ADGRL3: variants seen among roughly 807,000 people sequenced by gnomAD.
ADGRL3 encodes calcium-independent alpha-latrotoxin receptor 3.
ADGRL3 carries 62 observed loss-of-function variants against 153.5 expected under a neutral mutation model. The observed-to-expected ratio is 0.40, with a 90% confidence interval of 0.33 to 0.50. The LOEUF is 0.50. Among genes scored for constraint, ADGRL3 ranks in the 20% least tolerant of loss-of-function variants. The pLI is 0.47. For missense variants in ADGRL3, 1,641 were observed against 1,859.4 expected (o/e 0.88, Z 2.16); for synonymous variants, 710 against 672.5 (o/e 1.06, Z -0.86).
intron 11 of ADGRL3, among the ~76,000 whole-genome samples, chr4:61,907,563 T>A (rs2098701939): frequency 6.6e-6 from 1 of 151,438 alleles, no homozygotes; most frequent in African/African-American, 2.4e-5. Flanking sequence ...AGCCCAGTAC[T>A]TGTATATGTA....
intron 5 of ADGRL3, among the ~76,000 whole-genome samples, chr4:61,632,633 C>T (rs1214942580): frequency 6.6e-6 from 1 of 152,144 alleles, no homozygotes; most frequent in Non-Finnish European, 1.5e-5. Context: ...TTATCAGCTT[C>T]CTTTTCAGAG....
chr4:61,387,484 G>C lies in ADGRL3; in HGVS notation c.-174+4295G>C, dbSNP rs191760632. 5.1e-3 allele frequency among the ~76,000 whole-genome samples: 778 copies of C among 152,066 alleles called. 11 individuals are homozygous for C. The highest frequency in any genetic ancestry group is 0.018 in the African/African-American group (731 of 41,466). On this transcript the variant is annotated intron_variant, in intron 2 of 26. Coordinates refer to ENST00000683033, the MANE Select transcript of ADGRL3 (RefSeq NM_001387552.1). ...GAGTTTATTTCATCTCTGCAGCCTC[G>C]ACCATAAGAGACGACCACGCCCCAG...
intron 1 of ADGRL3, among the ~76,000 whole-genome samples, chr4:61,373,715 T>A (rs994145004): frequency 1.3e-5 from 2 of 152,182 alleles, no homozygotes; most frequent in African/African-American, 2.4e-5. Context: ...TTTTTACTTT[T>A]TAAAGAGTTG....
intron 1 of ADGRL3, among the ~76,000 whole-genome samples, chr4:61,349,860 G>T (rs1353221045): frequency 6.6e-6 from 1 of 152,024 alleles, no homozygotes; most frequent in Admixed American, 6.6e-5. Flanking sequence ...ATCAATAGAT[G>T]AATGAATGAC....
chr4:61,815,337 G>A (rs1051323256), intron 9 of ADGRL3, among the ~76,000 whole-genome samples: 1 of 152,116 alleles, frequency 6.6e-6, no homozygotes, highest in Non-Finnish European at 1.5e-5. Flanking sequence ...TTTTTCCCCA[G>A]GTCAGTTGGG....
intron 25 of ADGRL3, among the ~76,000 whole-genome samples, chr4:62,046,729 T>G (rs1731319749): frequency 6.6e-6 from 1 of 152,002 alleles, no homozygotes; most frequent in Admixed American, 6.6e-5. Context: ...TTCCTTTCAC[T>G]TAGTGACTTT....
intron 8 of ADGRL3, among the ~76,000 whole-genome samples, chr4:61,764,200 G>T (rs2343580): frequency 0.087 from 13,197 of 152,046 alleles, 1,219 homozygotes; most frequent in African/African-American, 0.23. Flanking sequence ...TATACATTAC[G>T]TATACATATA....
chr4:61,867,515 C>CATATATATATATATGTAT (rs1554050809), intron 9 of ADGRL3, among the ~76,000 whole-genome samples: 1 of 81,140 alleles, frequency 1.2e-5, no homozygotes, highest in East Asian at 3.0e-4. Context: ...AATATATATG[C>CATATATATATATATGTAT]ATATATATAT....
chr4:61,693,334 C>G lies in ADGRL3; in HGVS notation c.583+16399C>G, dbSNP rs1034955057. ...TAAAGCTTCAGAGTAATGAATAGCTCTAGCTCCAACCAAAGTTTTTTCTAT... is the reference window on the plus strand; with the variant it reads ...TAAAGCTTCAGAGTAATGAATAGCTGTAGCTCCAACCAAAGTTTTTTCTAT... On this transcript the variant is annotated intron_variant, in intron 6 of 26. Coordinates refer to ENST00000683033, the MANE Select transcript of ADGRL3 (RefSeq NM_001387552.1). Among the ~76,000 whole-genome samples the G allele has an allele frequency of 4.0e-5, 6 of 151,854 alleles. No individual in the cohort carries two copies. In the East Asian group the frequency reaches 1.2e-3, roughly 30 times the overall value.
At chr4:61,332,455 A>T (rs2095592092) in intron 1 of ADGRL3, among the ~76,000 whole-genome samples, 1 of 152,152 alleles carries the variant, frequency 6.6e-6, no homozygotes, top group Non-Finnish European at 1.5e-5. Context: ...AGTAAAAATG[A>T]TATACCTTCT....
chr4:62,036,394 G>A (rs868120290), intron 23 of ADGRL3, among the ~76,000 whole-genome samples: 3 of 151,824 alleles, frequency 2.0e-5, no homozygotes, highest in Non-Finnish European at 4.4e-5. Context: ...CCTACTTCCC[G>A]CAGGCACTCC....
chr4:61,812,361 G>A (rs919187252), intron 8 of ADGRL3, among the ~76,000 whole-genome samples: 8 of 152,264 alleles, frequency 5.3e-5, no homozygotes, highest in Admixed American at 5.2e-4. Context: ...TCAACAGGGA[G>A]CCATATTAAT....
At chr4:61,916,908 G>T (rs193208631) in intron 13 of ADGRL3, among the ~76,000 whole-genome samples, 5 of 151,732 alleles carry the variant, frequency 3.3e-5, no homozygotes, top group African/African-American at 9.7e-5. Flanking sequence ...AGCTGAGATC[G>T]CACCACTGCA....
intron 15 of ADGRL3, among the ~76,000 whole-genome samples, chr4:61,938,521 G>T (rs563501085): frequency 6.6e-6 from 1 of 152,100 alleles, no homozygotes; most frequent in Non-Finnish European, 1.5e-5. Context: ...ATCAGTCCCA[G>T]AAGATATACT....
chr4:61,793,367 T>C (rs2097368081), intron 8 of ADGRL3, among the ~76,000 whole-genome samples: 1 of 152,080 alleles, frequency 6.6e-6, no homozygotes, highest in African/African-American at 2.4e-5. Flanking sequence ...GAGCTTGCAG[T>C]GAGCCAACAT....
At chr4:61,777,819 T>C (rs2097170580) in intron 8 of ADGRL3, among the ~76,000 whole-genome samples, 1 of 152,186 alleles carries the variant, frequency 6.6e-6, no homozygotes, top group South Asian at 2.1e-4. Context: ...GTTTTGAGTA[T>C]CGCTAGGGGA....
intron 9 of ADGRL3, among the ~76,000 whole-genome samples, chr4:61,872,089 G>A (rs1337188471): frequency 6.6e-6 from 1 of 152,168 alleles, no homozygotes; most frequent in Non-Finnish European, 1.5e-5. Context: ...GAAAATGCCT[G>A]GCACACAGTG....
Position 62,074,963 on chromosome 4 carries a change from G to A in ADGRL3, c.*4055G>A, listed in dbSNP as rs1267431989. 1 of 152,002 alleles carries A rather than the reference G, an allele frequency of 6.6e-6. No individual in the cohort carries two copies. Among genetic ancestry groups the A allele is most frequent in the Non-Finnish European group, 1.5e-5 (1 of 68,016 alleles). 9.4% of individuals were successfully genotyped at this position (152,002 alleles called of 1,614,324 possible). ...CAGCTTCCCTGGACCCCCAACACAT[G>A]TTGAAATGTTATTGACTAGCTTGCT... On this transcript the variant is annotated 3_prime_UTR_variant, in exon 27 of 27. Coordinates refer to ENST00000683033, the MANE Select transcript of ADGRL3 (RefSeq NM_001387552.1).
intron 8 of ADGRL3, among the ~76,000 whole-genome samples, chr4:61,744,258 C>A (rs544628054): frequency 4.7e-4 from 72 of 152,312 alleles, no homozygotes; most frequent in African/African-American, 1.7e-3. Flanking sequence ...GCCTGCCTGC[C>A]TCTGTAGACT....
Sources: gnomAD v4.1 joint callset for allele counts (sites outside exome capture counted in the v4.1 genomes callset) on GRCh38, gnomAD v4.1.1 for gene constraint, MANE v1.5 for transcripts, NCBI Gene and HGNC (gene_info 2026-07-23, HGNC 2026-07-21) for gene names.